CNTNAP2: variants seen among roughly 807,000 people sequenced by gnomAD.
CNTNAP2 encodes the protein contactin-associated protein-like 2.
A neutral mutation model predicts 155.2 loss-of-function variants in CNTNAP2; 98 were observed. The ratio of observed to expected loss-of-function variants is 0.63; its 90% CI spans 0.54 to 0.75. The LOEUF is 0.75. Ranked by LOEUF, CNTNAP2 falls within the 30% of genes least tolerant of loss-of-function variation. The pLI is 0.00. For missense variants in CNTNAP2, 1,727 were observed against 1,688.1 expected (o/e 1.02, Z -0.40); for synonymous variants, 651 against 631.2 (o/e 1.03, Z -0.47).
chr7:146,405,816 TA>T (rs978379094), intron 1 of CNTNAP2, among the ~76,000 whole-genome samples: 276 of 152,216 alleles, frequency 1.8e-3, no homozygotes, highest in Non-Finnish European at 3.0e-3. Flanking sequence ...CCTACTGTGT[TA>T]AAAAAAAGTT....
At chr7:147,021,429 T>C (rs1436836006) in intron 3 of CNTNAP2, among the ~76,000 whole-genome samples, 1 of 152,194 alleles carries the variant, frequency 6.6e-6, no homozygotes, top group Non-Finnish European at 1.5e-5. Context: ...TTTTGTTTTT[T>C]AGCCAGTTCT....
chr7:147,239,144 G>C (rs1320799762), intron 8 of CNTNAP2, among the ~76,000 whole-genome samples: 31 of 151,992 alleles, frequency 2.0e-4, no homozygotes, highest in Admixed American at 2.0e-3. Context: ...GTAGATAGAT[G>C]GTATGCAAAA....
chr7:146,582,150 A>C (rs1310167588), intron 1 of CNTNAP2, among the ~76,000 whole-genome samples: 1 of 152,186 alleles, frequency 6.6e-6, no homozygotes, highest in Non-Finnish European at 1.5e-5. Flanking sequence ...CCATCACAGA[A>C]AAAGTCTAGT....
intron 3 of CNTNAP2, among the ~76,000 whole-genome samples, chr7:146,971,197 T>G (rs181761131): frequency 8.2e-5 from 11 of 134,276 alleles, no homozygotes; most frequent in African/African-American, 3.0e-4. Flanking sequence ...CCCTAAAACT[T>G]AAAGTATAAT....
chr7:148,267,015 CTT>C lies in CNTNAP2; in HGVS notation c.3382-17_3382-16del, dbSNP rs1796683776. 2 of 1,612,514 alleles carry C rather than the reference CTT, an allele frequency of 1.2e-6. No individual in the cohort carries two copies. Among genetic ancestry groups the C allele is most frequent in the Middle Eastern group, 1.7e-4 (1 of 6,060 alleles). On this transcript the variant is annotated splice_polypyrimidine_tract_variant and intron_variant, in intron 20 of 23. Transcript: ENST00000361727. ...TAGAGACGTGCTTCTAAAAGTGTCTCTTGTTTTCCTCCTGCAGCTCGATCATT... is the reference window on the plus strand; with the variant it reads ...TAGAGACGTGCTTCTAAAAGTGTCTCGTTTTCCTCCTGCAGCTCGATCATT...
At chr7:147,991,714 T>C (rs1166460180) in intron 15 of CNTNAP2, among the ~76,000 whole-genome samples, 6 of 152,190 alleles carry the variant, frequency 3.9e-5, no homozygotes, top group Admixed American at 1.3e-4. Context: ...CCTTCAGAGA[T>C]CCAAGTAGAG....
chr7:147,674,735 C>T (rs1795841304), intron 13 of CNTNAP2, among the ~76,000 whole-genome samples: 2 of 152,104 alleles, frequency 1.3e-5, no homozygotes, highest in Non-Finnish European at 2.9e-5. Flanking sequence ...TTCCTTATTA[C>T]AATATAGACT....
In CNTNAP2 at chr7:147,518,987, C is replaced by T. The variant is rs183075147; in HGVS notation, c.1777+32946C>T. Reference sequence around the variant, plus strand: ...CGGAGGTTGCAGTGAGCCGAGATAGCGCCACTGCACTCCAGCCTGGCGACA... The same window carrying T: ...CGGAGGTTGCAGTGAGCCGAGATAGTGCCACTGCACTCCAGCCTGGCGACA... On this transcript the variant is annotated intron_variant, in intron 11 of 23. Transcript: ENST00000361727. 1.1e-4 allele frequency among the ~76,000 whole-genome samples: 15 copies of T among 141,138 alleles called. 1 individual carries two copies. The East Asian group carries it at 2.5e-3, about 23-fold the overall frequency. The allele number at this position is 141,138 out of a possible 152,430, so 92.6% of individuals were successfully genotyped here. A position where few individuals can be genotyped will look rare whatever the true frequency, so the allele number is the denominator to read the frequency against.
rs146924269 is a variant in CNTNAP2, at chr7:146,873,418, C to T, written c.402+33514C>T. Among the ~76,000 whole-genome samples the T allele has an allele frequency of 9.9e-5, 15 of 152,160 alleles. No homozygotes were observed. The South Asian group carries it at 1.5e-3, about 15-fold the overall frequency. ...GTCTGGCTCTTATTTTTTCAAAGGA[C>T]GTAAGCTACTTCATTGTTGTTGTTA... On this transcript the variant is annotated intron_variant, in intron 3 of 23. Coordinates refer to ENST00000361727, the MANE Select transcript of CNTNAP2 (RefSeq NM_014141.6).
chr7:147,221,806 G>C (rs1803407368), intron 8 of CNTNAP2, among the ~76,000 whole-genome samples: 1 of 152,072 alleles, frequency 6.6e-6, no homozygotes, highest in African/African-American at 2.4e-5. Flanking sequence ...TCTTTGGCCA[G>C]ACAAAGTCTC....
intron 10 of CNTNAP2, among the ~76,000 whole-genome samples, chr7:147,440,581 A>G (rs1439094745): frequency 6.6e-6 from 1 of 151,926 alleles, no homozygotes; most frequent in Non-Finnish European, 1.5e-5. Context: ...GTGATTTCTT[A>G]TTGCTCATTA....
At position 148,383,801 on chromosome 7, in the gene CNTNAP2, G is replaced by C. The variant is rs762777645; in HGVS notation, c.3628G>C (p.Val1210Leu). The change falls in exon 22 of 24, where the codon GTG becomes CTG. Residue 1210 changes from valine (V) to leucine (L), a missense_variant. By Grantham distance (32) the Val-to-Leu change is conservative. Coordinates refer to ENST00000361727, the MANE Select transcript of CNTNAP2 (RefSeq NM_014141.6). ...TCACGTCCACATCCAGGGCGAGCTG[G>C]TGGAGTCCAACTGCGGGGCCTCGCC... ...SAHVHIQGEL[V>L]ESNCGASPLT... is the part of the protein sequence containing the mutation. 1 of 1,614,142 alleles carries C rather than the reference G, an allele frequency of 6.2e-7. No individual in the cohort carries two copies. The highest frequency in any genetic ancestry group is 8.5e-7 in the Non-Finnish European group (1 of 1,180,038).
At chr7:147,743,281 G>A (rs1796981731) in intron 13 of CNTNAP2, among the ~76,000 whole-genome samples, 1 of 152,112 alleles carries the variant, frequency 6.6e-6, no homozygotes, top group South Asian at 2.1e-4. Context: ...CTCCCAAATA[G>A]CAAATGGTAG....
At chr7:148,131,086 T>A (rs1804822145) in intron 16 of CNTNAP2, among the ~76,000 whole-genome samples, 2 of 145,932 alleles carry the variant, frequency 1.4e-5, no homozygotes, top group African/African-American at 5.1e-5. Context: ...CTTTTCTTCT[T>A]CTTTTTTTTT....
intron 22 of CNTNAP2, among the ~76,000 whole-genome samples, chr7:148,395,343 A>C (rs1399618019): frequency 6.6e-6 from 1 of 151,724 alleles, no homozygotes; most frequent in Non-Finnish European, 1.5e-5. Flanking sequence ...ATGTGAACCG[A>C]AGTCAACAAA....
At chr7:147,865,741 A>G (rs6464843) in intron 13 of CNTNAP2, among the ~76,000 whole-genome samples, 90,081 of 151,630 alleles carry the variant, frequency 0.59, 26,997 homozygotes, top group Middle Eastern at 0.7. Flanking sequence ...TTCGCTAATG[A>G]TAGTTTTTAT....
Position 147,945,543 on chromosome 7 carries a change from G to A in CNTNAP2, c.2256-32319G>A, listed in dbSNP as rs115362583. Reference sequence around the variant, plus strand: ...AAGACTCAAAAAGCTTTTTATTTGGGACAGTAGAAGGAAATGTGCTGATTA... The same window carrying A: ...AAGACTCAAAAAGCTTTTTATTTGGAACAGTAGAAGGAAATGTGCTGATTA... On this transcript the variant is annotated intron_variant, in intron 14 of 23. Transcript: ENST00000361727. 5.9e-3 allele frequency among the ~76,000 whole-genome samples: 903 copies of A among 152,170 alleles called. 9 individuals are homozygous for A. The highest frequency in any genetic ancestry group is 0.021 in the African/African-American group (869 of 41,526).
intron 2 of CNTNAP2, among the ~76,000 whole-genome samples, chr7:146,810,366 CTG>C (rs952823404): frequency 1.4e-5 from 2 of 140,458 alleles, no homozygotes; most frequent in African/African-American, 5.2e-5. Flanking sequence ...AATATTTAAT[CTG>C]TACCTTATAG....
At chr7:147,468,979 C>T (rs970900690) in intron 10 of CNTNAP2, among the ~76,000 whole-genome samples, 8 of 151,876 alleles carry the variant, frequency 5.3e-5, no homozygotes, top group South Asian at 2.1e-4. Flanking sequence ...TGCGCCATCA[C>T]GCCAGGCTGA....
Sources: allele counts gnomAD v4.1 joint callset (sites outside exome capture counted in the v4.1 genomes callset), GRCh38; gene constraint gnomAD v4.1.1; transcripts MANE v1.5; gene names NCBI Gene and HGNC (gene_info 2026-07-23, HGNC 2026-07-21).